BABAM2: variants seen among roughly 807,000 people sequenced by gnomAD.
BABAM2 encodes the protein BRISC and BRCA1 A complex member 2.
Under a neutral mutation model 54.7 loss-of-function variants are expected in BABAM2, and 31 were observed. The ratio of observed to expected loss-of-function variants is 0.57; its 90% CI spans 0.43 to 0.77. BABAM2 has a LOEUF of 0.77. BABAM2 is among the 30% of genes least tolerant of loss of function. The pLI is 0.00. For missense variants in BABAM2, 364 were observed against 455.8 expected (o/e 0.80, Z 1.83); for synonymous variants, 167 against 162.9 (o/e 1.03, Z -0.19).
intron 11 of BABAM2, among the ~76,000 whole-genome samples, chr2:28,301,137 A>G (rs1217201664): frequency 6.6e-6 from 1 of 152,208 alleles, no homozygotes; most frequent in Non-Finnish European, 1.5e-5. Context: ...CTGTACGTAC[A>G]CAGTGCGTAA....
intron 6 of BABAM2, among the ~76,000 whole-genome samples, chr2:28,088,603 G>A (rs556756335): frequency 3.3e-5 from 5 of 152,300 alleles, no homozygotes; most frequent in South Asian, 2.1e-4. Flanking sequence ...TTGCCCAACC[G>A]TGACCATACC....
intron 2 of BABAM2, among the ~76,000 whole-genome samples, chr2:27,917,779 A>G (rs1259493920): frequency 6.6e-6 from 1 of 152,136 alleles, no homozygotes; most frequent in East Asian, 1.9e-4. Context: ...ATTATAAAAC[A>G]TACATAAAAT....
At chr2:28,271,374 T>C (rs573342122) in intron 10 of BABAM2, among the ~76,000 whole-genome samples, 2 of 152,322 alleles carry the variant, frequency 1.3e-5, no homozygotes, top group Non-Finnish European at 2.9e-5. Flanking sequence ...CTTCAAGGAT[T>C]CCCCAGCCAG....
Position 28,325,063 on chromosome 2 carries a change from AG to A in BABAM2, c.1089-13386del, listed in dbSNP as rs1350674073. Among the ~76,000 whole-genome samples, 1 of 152,192 alleles carries A rather than the reference AG, an allele frequency of 6.6e-6. No homozygotes were observed. The highest frequency in any genetic ancestry group is 1.5e-5 in the Non-Finnish European group (1 of 68,042). ...ATCCAGTATATATAACTAAAACAAA[AG>A]TGCCACATACAGTGCACTCTGATTT... On this transcript the variant is annotated intron_variant, in intron 11 of 11. Coordinates refer to ENST00000379624, the MANE Select transcript of BABAM2 (RefSeq NM_199191.3). The surrounding 1 kb of genome is among the most constrained non-coding windows in gnomAD (Gnocchi z 4.3).
chr2:27,929,106 T>C, intron 2 of BABAM2, among the ~76,000 whole-genome samples: 1 of 150,222 alleles, frequency 6.7e-6, no homozygotes, highest in Non-Finnish European at 1.5e-5. Flanking sequence ...TGGTCCCAGC[T>C]GCTTGGGAAG....
intron 6 of BABAM2, among the ~76,000 whole-genome samples, chr2:28,062,453 C>T (rs965565774): frequency 1.3e-5 from 2 of 150,352 alleles, no homozygotes; most frequent in African/African-American, 2.5e-5. Context: ...GTCCCAGCTA[C>T]TTGGGAGGCT....
At position 27,995,081 on chromosome 2, in the gene BABAM2, G is replaced by A. The variant is rs143904516; in HGVS notation, c.300+6994G>A. Among the ~76,000 whole-genome samples the A allele has an allele frequency of 6.8e-3, 1,038 of 152,248 alleles. 7 individuals carry two copies. The highest frequency in any genetic ancestry group is 0.011 in the Non-Finnish European group (756 of 68,016). Reference sequence around the variant, plus strand: ...AAGACCCTTTCCCCCATCACACCCCGTCACAGCTGAGATTCCTACCTCCTT... The same window carrying A: ...AAGACCCTTTCCCCCATCACACCCCATCACAGCTGAGATTCCTACCTCCTT... On this transcript the variant is annotated intron_variant, in intron 4 of 11. Coordinates refer to ENST00000379624, the MANE Select transcript of BABAM2 (RefSeq NM_199191.3). The surrounding 1 kb of genome is among the most constrained non-coding windows in gnomAD (Gnocchi z 4.1).
Position 28,258,615 on chromosome 2 carries a change from C to CTTTTTTTTTTTTTTTTTTTTTTTTTT in BABAM2, c.934+13769_934+13770insTTTTTTTTTTTTTTTTTTTTTTTTTT, listed in dbSNP as rs70956008. Among the ~76,000 whole-genome samples the CTTTTTTTTTTTTTTTTTTTTTTTTTT allele has an allele frequency of 1.4e-4, 14 of 100,040 alleles. 1 individual carries two copies. The highest frequency in any genetic ancestry group is 1.9e-4 in the Non-Finnish European group (10 of 52,178). 65.6% of individuals were successfully genotyped at this position (100,040 alleles called of 152,430 possible). On this transcript the variant is annotated intron_variant, in intron 10 of 11. Coordinates refer to ENST00000379624, the MANE Select transcript of BABAM2 (RefSeq NM_199191.3). ...CTTAAGTCTTTTTCTTTTTTCTTTT[C>CTTTTTTTTTTTTTTTTTTTTTTTTTT]TTTTTTTTTTTTTTTTGAGACAGGA...
chr2:28,133,955 G>A (rs1253871464), intron 7 of BABAM2, among the ~76,000 whole-genome samples: 4 of 152,122 alleles, frequency 2.6e-5, no homozygotes, highest in African/African-American at 9.7e-5. Context: ...CAGCCCTGCC[G>A]CACGTGGCTG....
chr2:28,286,070 C>T (rs901267731), intron 10 of BABAM2, among the ~76,000 whole-genome samples: 2 of 151,822 alleles, frequency 1.3e-5, no homozygotes, highest in African/African-American at 2.4e-5. Context: ...ATTCTCCTGC[C>T]TCAGCGTCCT....
intron 7 of BABAM2, among the ~76,000 whole-genome samples, chr2:28,136,268 C>A (rs937306513): frequency 6.6e-6 from 1 of 152,238 alleles, no homozygotes; most frequent in Admixed American, 6.5e-5. Flanking sequence ...GGAACATTTC[C>A]TGACCGCCAC....
chr2:28,039,757 TA>T (rs1676926473), intron 5 of BABAM2, among the ~76,000 whole-genome samples: 1 of 152,246 alleles, frequency 6.6e-6, no homozygotes, highest in Non-Finnish European at 1.5e-5. Flanking sequence ...TTAGACTTAA[TA>T]AATTGCCAAA....
chr2:28,026,851 T>TA (rs1491560862), intron 5 of BABAM2, among the ~76,000 whole-genome samples: 7 of 43,162 alleles, frequency 1.6e-4, no homozygotes, highest in East Asian at 3.9e-4. Flanking sequence ...TAAATATATA[T>TA]TTATATATAT....
chr2:27,974,337 T>TA (rs1406323502), intron 3 of BABAM2, among the ~76,000 whole-genome samples: 1 of 152,078 alleles, frequency 6.6e-6, no homozygotes, highest in African/African-American at 2.4e-5. Flanking sequence ...GCAACATATA[T>TA]AAAATACATA....
intron 7 of BABAM2, among the ~76,000 whole-genome samples, chr2:28,230,664 C>T (rs1158285843): frequency 3.4e-5 from 5 of 149,150 alleles, no homozygotes; most frequent in African/African-American, 1.2e-4. Context: ...GTTGAGGCTG[C>T]AGTGAGCCGT....
Position 27,979,655 on chromosome 2 carries a change from T to G in BABAM2, c.206-8338T>G, listed in dbSNP as rs532261277. ...TTTTTTGACTTTTTAGTAATAGCCATTCTGACTGATGTTAGATGGTATCTC... is the reference window on the plus strand; with the variant it reads ...TTTTTTGACTTTTTAGTAATAGCCAGTCTGACTGATGTTAGATGGTATCTC... On this transcript the variant is annotated intron_variant, in intron 3 of 11. Transcript: ENST00000379624. Among the ~76,000 whole-genome samples, 3 of 152,308 alleles carry G rather than the reference T, an allele frequency of 2.0e-5. No individual in the cohort carries two copies. In the East Asian group the frequency reaches 5.8e-4, roughly 29 times the overall value.
chr2:28,192,556 CTG>C (rs1677050707), intron 7 of BABAM2, among the ~76,000 whole-genome samples: 1 of 137,414 alleles, frequency 7.3e-6, no homozygotes, highest in African/African-American at 2.7e-5. Context: ...GAGTCTCACT[CTG>C]TCACTCAGGC....
chr2:27,901,400 A>G (rs1270184422), intron 2 of BABAM2, among the ~76,000 whole-genome samples: 1 of 152,222 alleles, frequency 6.6e-6, no homozygotes, highest in Non-Finnish European at 1.5e-5. Context: ...AGCATATTGC[A>G]GTGACTCAAC....
intron 5 of BABAM2, 78 bp downstream of exon 5, chr2:28,025,498 C>T (rs757960535): frequency 2.2e-6 from 3 of 1,336,492 alleles, no homozygotes; most frequent in Non-Finnish European, 2.0e-6. Context: ...ATTTGTAAAT[C>T]CTAGTCATTT....
Sources: allele counts gnomAD v4.1 joint callset (sites outside exome capture counted in the v4.1 genomes callset), GRCh38; gene constraint gnomAD v4.1.1; non-coding constraint Gnocchi (gnomAD v3.1); transcripts MANE v1.5; gene names NCBI Gene and HGNC (gene_info 2026-07-23, HGNC 2026-07-21).